Variants in MYBPC1 observed in about 807,000 individuals in gnomAD.
The protein encoded by MYBPC1 is myosin binding protein C1, also known as myosin-binding protein C, slow-type.
Under a neutral mutation model 147.1 loss-of-function variants are expected in MYBPC1, and 52 were observed. The observed-to-expected ratio is 0.35, with a 90% confidence interval of 0.28 to 0.45. MYBPC1 has a LOEUF of 0.45. Ranked by LOEUF, MYBPC1 falls within the 20% of genes least tolerant of loss-of-function variation. The pLI is 1.00. For missense variants in MYBPC1, 1,228 were observed against 1,440.3 expected (o/e 0.85, Z 2.39); for synonymous variants, 477 against 475.9 (o/e 1.00, Z -0.03).
intron 10 of MYBPC1, among the ~76,000 whole-genome samples, chr12:101,637,662 T>C (rs1891267089): frequency 6.6e-6 from 1 of 152,194 alleles, no homozygotes; most frequent in South Asian, 2.1e-4. Flanking sequence ...TTTTAGTGCT[T>C]TCTATGGTTA....
downstream of MYBPC1, among the ~76,000 whole-genome samples, chr12:101,687,317 T>C (rs1208694083): frequency 6.6e-6 from 1 of 152,064 alleles, no homozygotes; most frequent in Admixed American, 6.5e-5. Context: ...AGTGAGAACA[T>C]GCGGTGTTTG....
At chr12:101,673,736 T>C in intron 25 of MYBPC1, 114 bp downstream of exon 25, 1 of 1,132,012 alleles carries the variant, frequency 8.8e-7, no homozygotes, top group Non-Finnish European at 1.3e-6. Context: ...ATAAAACTCT[T>C]TTTTTAGATT....
At position 101,625,852 on chromosome 12, in the gene MYBPC1, G is replaced by A. The variant is rs1031702209; in HGVS notation, c.104-1020G>A. ...TGTAATCCCAGCACTTTGGGAGGCC[G>A]AGGCGGGTGGATCACAAGGTCGAGA... On this transcript the variant is annotated intron_variant, in intron 3 of 31. Transcript: ENST00000361466. 2.6e-5 allele frequency among the ~76,000 whole-genome samples: 4 copies of A among 151,958 alleles called. No individual in the cohort carries two copies. The East Asian group carries it at 7.7e-4, about 29-fold the overall frequency.
At chr12:101,634,810 G>T (rs1046599985) in intron 9 of MYBPC1, among the ~76,000 whole-genome samples, 42 of 152,190 alleles carry the variant, frequency 2.8e-4, no homozygotes, top group Admixed American at 2.8e-3. Flanking sequence ...TTTTTAGAAT[G>T]TTCTTGTTAT....
At chr12:101,688,839 G>T (rs1045893267), downstream of MYBPC1, among the ~76,000 whole-genome samples, 3 of 151,440 alleles carry the variant, frequency 2.0e-5, no homozygotes, top group African/African-American at 4.9e-5. Flanking sequence ...TGTAGTCCCA[G>T]CTACTCAGAA....
intron 2 of MYBPC1, among the ~76,000 whole-genome samples, chr12:101,615,107 G>A (rs1472745778): frequency 6.6e-6 from 1 of 152,194 alleles, no homozygotes; most frequent in Admixed American, 6.5e-5. Flanking sequence ...CAGGAAATGA[G>A]TACAGAGATC....
chr12:101,663,379 G>A, intron 21 of MYBPC1, 47 bp from the exon 22 acceptor site: 2 of 1,519,498 alleles, frequency 1.3e-6, no homozygotes, highest in Non-Finnish European at 1.8e-6. Flanking sequence ...CTGCACTATA[G>A]CTGTGTAGTA....
intron 2 of MYBPC1, among the ~76,000 whole-genome samples, chr12:101,616,185 T>C (rs942182903): frequency 6.6e-5 from 10 of 152,240 alleles, no homozygotes; most frequent in Admixed American, 3.9e-4. Context: ...AAGCTCAGAT[T>C]TATTTTCTTT....
intron 8 of MYBPC1, among the ~76,000 whole-genome samples, chr12:101,633,301 A>G (rs1471972335): frequency 6.6e-6 from 1 of 152,198 alleles, no homozygotes; most frequent in Non-Finnish European, 1.5e-5. Context: ...GCTGTCACAC[A>G]GAAAATGGAA....
intron 1 of MYBPC1, among the ~76,000 whole-genome samples, chr12:101,606,181 A>C (rs2135662016): frequency 6.7e-6 from 1 of 149,452 alleles, no homozygotes; most frequent in Admixed American, 6.7e-5. Flanking sequence ...TGACAGAATG[A>C]GACCTTTCTT....
chr12:101,627,875 G>A lies in MYBPC1; in HGVS notation c.178+71G>A. 8.7e-6 allele frequency: 13 copies of A among 1,486,608 alleles called. No individual in the cohort carries two copies. In the South Asian group the frequency reaches 1.4e-4, roughly 16 times the overall value. The allele number at this position is 1,486,608 out of a possible 1,614,324, so 92.1% of individuals were successfully genotyped here. ...ATCACTAATGAGCTCATTTCTTGAA[G>A]CTGTATTGATTCTAATCCTTGTCTT... On this transcript the variant is annotated intron_variant, in intron 5 of 31. Coordinates refer to ENST00000361466, the MANE Select transcript of MYBPC1 (RefSeq NM_002465.4).
chr12:101,665,488 TTTG>T (rs1897267296), intron 22 of MYBPC1, among the ~76,000 whole-genome samples: 1 of 152,182 alleles, frequency 6.6e-6, no homozygotes, highest in African/African-American at 2.4e-5. Flanking sequence ...TCGTTTTTGT[TTTG>T]TTATTATTTT....
chr12:101,633,526 G>T (rs1030047026), intron 8 of MYBPC1, among the ~76,000 whole-genome samples: 3 of 151,554 alleles, frequency 2.0e-5, no homozygotes, highest in African/African-American at 7.3e-5. Flanking sequence ...GTCTCTACTA[G>T]AAATACAAAA....
At chr12:101,688,444 C>T (rs1237224367), downstream of MYBPC1, among the ~76,000 whole-genome samples, 2 of 151,886 alleles carry the variant, frequency 1.3e-5, no homozygotes, top group African/African-American at 2.4e-5. Flanking sequence ...TTAAGGTTCA[C>T]GTTTCTTTAT....
chr12:101,595,068 G>T lies in MYBPC1; in HGVS notation c.-3G>T. The stretch of plus-strand genomic sequence containing the variant: ...CTTTAAAGAATAACATCTTATTGTG[G>T]CCATGCCAGAACCCACTAAGAAAGA... On this transcript the variant is annotated 5_prime_UTR_variant, in exon 1 of 32. Transcript: ENST00000361466. The T allele has an allele frequency of 6.2e-7, 1 of 1,613,014 alleles. No individual in the cohort carries two copies. The highest frequency in any genetic ancestry group is 8.5e-7 in the Non-Finnish European group (1 of 1,179,180).
chr12:101,611,195 C>A (rs962509006), intron 1 of MYBPC1, among the ~76,000 whole-genome samples: 7 of 152,228 alleles, frequency 4.6e-5, no homozygotes, highest in Non-Finnish European at 1.0e-4. Flanking sequence ...ACGGTCCTAG[C>A]AGTCCTAATA....
At chr12:101,688,605 A>G (rs918182178), downstream of MYBPC1, among the ~76,000 whole-genome samples, 2 of 152,172 alleles carry the variant, frequency 1.3e-5, no homozygotes, top group Non-Finnish European at 2.9e-5. Flanking sequence ...TCAACAAATG[A>G]GTTATTGAAT....
rs886048839 is a variant in MYBPC1, at chr12:101,685,839, T to C, written c.*277T>C. On this transcript the variant is annotated 3_prime_UTR_variant, in exon 32 of 32. Transcript: ENST00000361466. The stretch of plus-strand genomic sequence containing the variant: ...AAAAAAAAAAAAAAGTTTGCCCAGA[T>C]TGCTTAATTAAAAATTGCAAACAAA... 21 of 571,138 alleles carry C rather than the reference T, an allele frequency of 3.7e-5. No individual in the cohort carries two copies. The highest frequency in any genetic ancestry group is 6.2e-5 in the Non-Finnish European group (21 of 339,618). 35.4% of individuals were successfully genotyped at this position (571,138 alleles called of 1,614,324 possible).
At position 101,624,683 on chromosome 12, in the gene MYBPC1, A is replaced by ATTTTTTTTTTTTTTT. The variant is rs57175970; in HGVS notation, c.104-2177_104-2163dup. ...AATAATATACAAGCCCGGCTAATTA[A>ATTTTTTTTTTTTTTT]TTTTTTTTTTTTTTTTTTTTTTTTT... On this transcript the variant is annotated intron_variant, in intron 3 of 31. Transcript: ENST00000361466. Among the ~76,000 whole-genome samples, 81 of 99,098 alleles carry ATTTTTTTTTTTTTTT rather than the reference A, an allele frequency of 8.2e-4. 3 individuals are homozygous for ATTTTTTTTTTTTTTT. The highest frequency in any genetic ancestry group is 2.8e-3 in the African/African-American group (67 of 24,010). The allele number at this position is 99,098 out of a possible 152,430, so 65.0% of individuals were successfully genotyped here. A position where few individuals can be genotyped will look rare whatever the true frequency, so the allele number is the denominator to read the frequency against.
Sources: allele counts gnomAD v4.1 joint callset (sites outside exome capture counted in the v4.1 genomes callset), GRCh38; gene constraint gnomAD v4.1.1; transcripts MANE v1.5; gene names NCBI Gene and HGNC (gene_info 2026-07-23, HGNC 2026-07-21).